The following FBXL17 variants were observed in gnomAD, a reference collection of about 807,000 sequenced individuals.
FBXL17 encodes F-box/LRR-repeat protein 17.
Under a neutral mutation model 66.2 loss-of-function variants are expected in FBXL17, and 22 were observed. The observed-to-expected ratio is 0.33, with a 90% CI of 0.24 to 0.47. The LOEUF (loss-of-function observed/expected upper bound fraction) is 0.47, where lower values mean the gene tolerates loss of function less well. FBXL17 is among the 20% of genes least tolerant of loss of function. The probability of loss-of-function intolerance (pLI) is 1.00; values close to 1 mark genes in which losing one functional copy is unlikely to be tolerated. For missense variants in FBXL17, 878 were observed against 948.2 expected (o/e 0.93, Z 0.97); for synonymous variants, 474 against 400.5 (o/e 1.18, Z -2.19).
intron 4 of FBXL17, among the ~76,000 whole-genome samples, chr5:108,240,753 C>T (rs988924424): frequency 2.0e-5 from 3 of 152,148 alleles, no homozygotes; most frequent in Admixed American, 2.0e-4. Context: ...AGCCCCTGGG[C>T]AAGACCCAGT....
In FBXL17 at chr5:108,219,547, C is replaced by T. The variant is rs1019201980; in HGVS notation, c.1614+4574G>A. The stretch of plus-strand genomic sequence containing the variant: ...TTAAAAATACAAAAAATTAGCCGGG[C>T]GTGGTGGTGGGCGCCTGTAGTCCCA... On this transcript the variant is annotated intron_variant, in intron 5 of 8. Coordinates refer to ENST00000542267, the MANE Select transcript of FBXL17 (RefSeq NM_001163315.3). Among the ~76,000 whole-genome samples, 6 of 151,828 alleles carry T rather than the reference C, an allele frequency of 4.0e-5. No individual in the cohort carries two copies. In the East Asian group the frequency reaches 5.8e-4, roughly 15 times the overall value.
At chr5:108,371,988 GCT>G in intron 1 of FBXL17, among the ~76,000 whole-genome samples, 1 of 152,256 alleles carries the variant, frequency 6.6e-6, no homozygotes, top group East Asian at 1.9e-4. Context: ...AGGTAAGCCT[GCT>G]CTCCAATTCT....
chr5:108,311,363 G>C (rs991711017), intron 4 of FBXL17, among the ~76,000 whole-genome samples: 1 of 151,790 alleles, frequency 6.6e-6, no homozygotes, highest in African/African-American at 2.4e-5. Flanking sequence ...GTAGAGACAG[G>C]GTTCCACCAT....
chr5:108,047,906 C>A (rs1747318629), intron 6 of FBXL17, among the ~76,000 whole-genome samples: 1 of 152,184 alleles, frequency 6.6e-6, no homozygotes, highest in African/African-American at 2.4e-5. Flanking sequence ...AAATGGGGTT[C>A]CCCCCAGCGA....
chr5:108,120,830 T>C (rs561734737), intron 6 of FBXL17, among the ~76,000 whole-genome samples: 2 of 152,286 alleles, frequency 1.3e-5, no homozygotes, highest in African/African-American at 4.8e-5. Flanking sequence ...GTTTCACTGA[T>C]GTATCCTTAG....
intron 6 of FBXL17, among the ~76,000 whole-genome samples, chr5:108,125,950 C>G (rs1463365898): frequency 6.6e-6 from 1 of 152,148 alleles, no homozygotes; most frequent in Non-Finnish European, 1.5e-5. Context: ...TCTTTACGGT[C>G]CAAAGGGCCC....
chr5:108,109,395 T>A (rs1749943410), intron 6 of FBXL17, among the ~76,000 whole-genome samples: 1 of 152,126 alleles, frequency 6.6e-6, no homozygotes, highest in Non-Finnish European at 1.5e-5. Context: ...CAGAGAAGAA[T>A]CTCAACAGAC....
chr5:107,938,077 A>T (rs1489148276), intron 7 of FBXL17, among the ~76,000 whole-genome samples: 1 of 152,158 alleles, frequency 6.6e-6, no homozygotes, highest in Non-Finnish European at 1.5e-5. Context: ...CAAACATCAG[A>T]ATCCCAGAAT....
chr5:108,000,627 A>C (rs1753685664), intron 7 of FBXL17, among the ~76,000 whole-genome samples: 1 of 152,162 alleles, frequency 6.6e-6, no homozygotes, highest in Non-Finnish European at 1.5e-5. Context: ...CTGAATAAAA[A>C]CTCTATCTTC....
intron 5 of FBXL17, among the ~76,000 whole-genome samples, chr5:108,221,412 T>C (rs1754857811): frequency 6.6e-6 from 1 of 152,164 alleles, no homozygotes; most frequent in South Asian, 2.1e-4. Context: ...CCTAAATTCA[T>C]AGATTCTTCA....
chr5:107,905,690 C>T (rs1463649811), intron 7 of FBXL17, among the ~76,000 whole-genome samples: 1 of 152,188 alleles, frequency 6.6e-6, no homozygotes, highest in Non-Finnish European at 1.5e-5. Context: ...TCTTCTCTCT[C>T]TGGATATACA....
intron 4 of FBXL17, chr5:108,298,321 G>C: frequency 2.0e-6 from 2 of 984,074 alleles, no homozygotes; most frequent in African/African-American, 3.5e-5. Flanking sequence ...AAAACAGAAA[G>C]CACTGAGAAA....
At chr5:108,101,703 C>T (rs1369097490) in intron 6 of FBXL17, among the ~76,000 whole-genome samples, 2 of 152,198 alleles carry the variant, frequency 1.3e-5, no homozygotes, top group Non-Finnish European at 2.9e-5. Flanking sequence ...AATCTTCTCC[C>T]ACGCTTCTCA....
In FBXL17 at chr5:108,029,466, T is replaced by C. The variant is rs149463337; in HGVS notation, c.1746-8465A>G. The stretch of plus-strand genomic sequence containing the variant: ...ATATAAAACCTGCTTCCAAAGCTCT[T>C]GGGACTGCCATTGCTTTACTCTTAT... On this transcript the variant is annotated intron_variant, in intron 6 of 8. Transcript: ENST00000542267. Among the ~76,000 whole-genome samples the C allele has an allele frequency of 5.5e-4, 83 of 152,240 alleles. No individual in the cohort carries two copies. In the East Asian group the frequency reaches 0.01, roughly 19 times the overall value.
chr5:108,173,053 G>A (rs1400319427), intron 6 of FBXL17, among the ~76,000 whole-genome samples: 8 of 151,640 alleles, frequency 5.3e-5, no homozygotes, highest in Non-Finnish European at 7.4e-5. Flanking sequence ...TACCTGCCTC[G>A]GCCTCCCAAA....
At chr5:108,269,706 T>A (rs1359891662) in intron 4 of FBXL17, among the ~76,000 whole-genome samples, 2 of 152,018 alleles carry the variant, frequency 1.3e-5, no homozygotes, top group South Asian at 2.1e-4. Flanking sequence ...CTAGACAGAT[T>A]GTAAGGTCTT....
intron 6 of FBXL17, among the ~76,000 whole-genome samples, chr5:108,183,468 ATTACT>A (rs1490646776): frequency 3.3e-5 from 5 of 152,332 alleles, no homozygotes; most frequent in African/African-American, 1.2e-4. Context: ...CTTTTTAAAG[ATTACT>A]TTAAATTTTC....
intron 6 of FBXL17, among the ~76,000 whole-genome samples, chr5:108,043,628 G>C (rs1348173246): frequency 1.3e-5 from 2 of 152,096 alleles, no homozygotes; most frequent in Non-Finnish European, 2.9e-5. Flanking sequence ...CATTGCTGTA[G>C]CTACATAAAA....
At chr5:108,253,071 C>T (rs1312414060) in intron 4 of FBXL17, among the ~76,000 whole-genome samples, 8 of 152,062 alleles carry the variant, frequency 5.3e-5, no homozygotes, top group Admixed American at 1.3e-4. Context: ...AGCAGATTAC[C>T]ATATCAATAA....
Sources: allele counts gnomAD v4.1 joint callset (sites outside exome capture counted in the v4.1 genomes callset), GRCh38; gene constraint gnomAD v4.1.1; transcripts MANE v1.5; gene names NCBI Gene and HGNC (gene_info 2026-07-23, HGNC 2026-07-21).